RPS29: variants seen among roughly 807,000 people sequenced by gnomAD.
RPS29 encodes the protein small ribosomal subunit protein uS14.
For synonymous variants in RPS29, 37 were observed against 26.9 expected (o/e 1.37, Z -1.16); for missense variants, 60 against 75.7 (o/e 0.79, Z 0.77).
At chr14:49,585,541 C>T (rs1881508426) in intron 2 of RPS29, 2 of 263,222 alleles carry the variant, frequency 7.6e-6, no homozygotes, top group South Asian at 2.4e-4. Context: ...CGTAACAACG[C>T]CACTGCACTT....
downstream of RPS29, among the ~76,000 whole-genome samples, chr14:49,582,007 C>A (rs75101247): frequency 1.7e-5 from 1 of 59,372 alleles, no homozygotes; most frequent in Non-Finnish European, 4.0e-5. Flanking sequence ...CAAGACCCTG[C>A]CCCCCAAAAA....
chr14:49,588,232 A>C (rs942708568), upstream of RPS29, among the ~76,000 whole-genome samples: 8 of 152,222 alleles, frequency 5.3e-5, no homozygotes, highest in Admixed American at 5.2e-4. Context: ...AAAGAAGTGA[A>C]TTCATTTAGG....
At chr14:49,571,157 T>A (rs191572926) in exon 3 of RPS29, 27 of 152,258 alleles carry the variant, frequency 1.8e-4, no homozygotes, top group Admixed American at 1.6e-3. Flanking sequence ...TAACTTTATT[T>A]TTAAGAGTAG....
At chr14:49,594,818 A>G (rs1403628883) in intron 1 of RPS29, among the ~76,000 whole-genome samples, 1 of 152,234 alleles carries the variant, frequency 6.6e-6, no homozygotes, top group African/African-American at 2.4e-5. Flanking sequence ...TAATTTAGAT[A>G]AGAAGCTCTC....
rs779818333 is a variant in RPS29, at chr14:49,577,768, C to A, written c.*44G>T. The A allele has an allele frequency of 9.9e-6, 15 of 1,520,406 alleles. No individual in the cohort carries two copies. The East Asian group carries it at 3.4e-4, about 34-fold the overall frequency. The allele number at this position is 1,520,406 out of a possible 1,614,324, so 94.2% of individuals were successfully genotyped here. ...TGGTGCTCTTTTTGATGATCTTGGG[C>A]TTCGCGAGCGGTCTCAGGATGGCCA... On this transcript the variant is annotated 3_prime_UTR_variant, in exon 3 of 3. Coordinates refer to the RPS29 transcript ENST00000396020.
downstream of RPS29, among the ~76,000 whole-genome samples, chr14:49,578,712 C>G (rs1566476910): frequency 6.6e-6 from 1 of 151,958 alleles, no homozygotes; most frequent in Non-Finnish European, 1.5e-5. Context: ...AGGCGCACAC[C>G]ACCATGCTCA....
At chr14:49,571,134 T>A (rs953416573) in exon 3 of RPS29, 14 of 152,156 alleles carry the variant, frequency 9.2e-5, no homozygotes, top group Non-Finnish European at 1.5e-4. Flanking sequence ...CCTAAAGAAG[T>A]TTTCCTGCAC....
chr14:49,580,962 G>A (rs1881316781), downstream of RPS29, among the ~76,000 whole-genome samples: 1 of 151,926 alleles, frequency 6.6e-6, no homozygotes, highest in Non-Finnish European at 1.5e-5. Context: ...AAGGTAGGCA[G>A]ATCACCTGAG....
intron 2 of RPS29, among the ~76,000 whole-genome samples, chr14:49,584,320 T>C (rs957043610): frequency 2.6e-5 from 4 of 152,366 alleles, no homozygotes; most frequent in South Asian, 2.1e-4. Flanking sequence ...CCAAGGTCCA[T>C]TTTCTTACGT....
exon 1 of RPS29, chr14:49,598,507 C>T: frequency 2.8e-6 from 2 of 702,420 alleles, no homozygotes; most frequent in Non-Finnish European, 5.2e-6. Context: ...CCACCAAAAC[C>T]ACCAGCAGCC....
chr14:49,586,376 G>A lies in RPS29; in HGVS notation c.-30C>T, dbSNP rs769647590. On this transcript the variant is annotated 5_prime_UTR_variant, in exon 1 of 3. Coordinates refer to ENST00000245458, the MANE Select transcript of RPS29 (RefSeq NM_001032.5). ...CTCTCAGCAGTGCAACGAGGTAAAA[G>A]GAAGAAGCTGGCCCACGCATGCGCT... is the stretch of plus-strand genomic sequence containing the variant. 30 of 1,602,624 alleles carry A rather than the reference G, an allele frequency of 1.9e-5. No homozygotes were observed. Among genetic ancestry groups the A allele is most frequent in the Admixed American group, 5.0e-5 (3 of 59,976 alleles).
intron 1 of RPS29, among the ~76,000 whole-genome samples, chr14:49,596,016 TGAA>T (rs1447468557): frequency 2.2e-5 from 2 of 88,932 alleles, no homozygotes; most frequent in Non-Finnish European, 4.1e-5. Context: ...AAGGAAGAAA[TGAA>T]GGAGGGAGGG....
intron 2 of RPS29, 76 bp from the exon 3 acceptor site, chr14:49,583,751 T>C (rs1881415266): frequency 4.7e-6 from 4 of 852,450 alleles, no homozygotes; most frequent in Non-Finnish European, 7.8e-6. Context: ...AAAAGGCTCA[T>C]TATAGAATGT....
At chr14:49,576,739 T>C (rs547460202) in exon 3 of RPS29, 1 of 152,248 alleles carries the variant, frequency 6.6e-6, no homozygotes, top group Admixed American at 6.5e-5. Flanking sequence ...TGGGAGCGGT[T>C]TCCCCCATAC....
At chr14:49,591,619 ATTT>A (rs35067386) in intron 1 of RPS29, among the ~76,000 whole-genome samples, 3 of 117,044 alleles carry the variant, frequency 2.6e-5, no homozygotes, top group African/African-American at 3.3e-5. Context: ...GCCCAATTTG[ATTT>A]TTTTTTTTTT....
intron 2 of RPS29, among the ~76,000 whole-genome samples, chr14:49,585,141 A>C (rs1395548480): frequency 6.6e-6 from 1 of 152,098 alleles, no homozygotes; most frequent in Non-Finnish European, 1.5e-5. Flanking sequence ...AGGCCGAAGC[A>C]GGCGGATCAC....
At chr14:49,571,663 C>T (rs570765552) in exon 3 of RPS29, 1 of 152,196 alleles carries the variant, frequency 6.6e-6, no homozygotes, top group Non-Finnish European at 1.5e-5. Context: ...AATGAAACCC[C>T]AATAAAAACT....
At chr14:49,586,767 G>A (rs1881586103), upstream of RPS29, 2 of 230,492 alleles carry the variant, frequency 8.7e-6, no homozygotes, top group South Asian at 5.6e-5. Flanking sequence ...GGGTGAACCG[G>A]CCCAGGTCGG....
At chr14:49,574,886 T>C (rs1395449656) in exon 3 of RPS29, 1 of 152,236 alleles carries the variant, frequency 6.6e-6, no homozygotes, top group Non-Finnish European at 1.5e-5. Context: ...AGGTTGGTCA[T>C]TTAGGCTTAG....
Sources: allele counts gnomAD v4.1 joint callset (sites outside exome capture counted in the v4.1 genomes callset), GRCh38; gene constraint gnomAD v4.1.1; transcripts MANE v1.5; gene names NCBI Gene and HGNC (gene_info 2026-07-23, HGNC 2026-07-21).